Variants in FUT9 observed in about 807,000 individuals in gnomAD.
FUT9 encodes fucosyltransferase 9, also known as 4-galactosyl-N-acetylglucosaminide 3-alpha-L-fucosyltransferase 9.
FUT9 carries 15 observed loss-of-function variants against 29.7 expected under a neutral mutation model. The observed-to-expected ratio is 0.51, with a 90% CI of 0.34 to 0.78. FUT9 has a LOEUF of 0.78. FUT9 is among the 30% of genes least tolerant of loss of function. The probability of loss-of-function intolerance (pLI) is 0.01; values close to 1 mark genes in which losing one functional copy is unlikely to be tolerated. For synonymous variants in FUT9, 169 were observed against 153.7 expected, an observed-to-expected ratio of 1.10 and a Z score of -0.74; for missense variants, 319 against 425.4, an observed-to-expected ratio of 0.75 and a Z score of 2.20.
intron 2 of FUT9, among the ~76,000 whole-genome samples, chr6:96,127,621 A>G (rs1772157570): frequency 6.6e-6 from 1 of 152,180 alleles, no homozygotes. Context: ...ACTGCTTTCA[A>G]TAATGGCTGA....
chr6:96,032,063 G>A lies in FUT9; in HGVS notation c.-98+15851G>A, dbSNP rs79027263. On this transcript the variant is annotated intron_variant, in intron 1 of 2. Transcript: ENST00000302103. ...CCTTTTGCAGAACTGATGTACCTAT[G>A]TTATGTTTTCAGTTTACATTGAGCT... is the stretch of plus-strand genomic sequence containing the variant. Among the ~76,000 whole-genome samples the A allele has an allele frequency of 4.5e-3, 689 of 151,614 alleles. 14 individuals are homozygous for A. In the East Asian group the frequency reaches 0.056, roughly 12 times the overall value.
chr6:96,189,751 T>G (rs991741116), intron 2 of FUT9, among the ~76,000 whole-genome samples: 3 of 152,182 alleles, frequency 2.0e-5, no homozygotes, highest in Non-Finnish European at 4.4e-5. Context: ...TTGTTTTCCA[T>G]TTGCTTGGTA....
chr6:96,194,229 C>T (rs1181915410), intron 2 of FUT9, among the ~76,000 whole-genome samples: 1 of 151,980 alleles, frequency 6.6e-6, no homozygotes. Flanking sequence ...TAGTGTACGT[C>T]AGAACTACTT....
At chr6:96,025,666 C>T (rs1770155222) in intron 1 of FUT9, among the ~76,000 whole-genome samples, 2 of 151,626 alleles carry the variant, frequency 1.3e-5, no homozygotes, top group African/African-American at 4.8e-5. Context: ...TGGTTCATGG[C>T]ATAACCCAAT....
At chr6:96,038,168 ATGAGTTTCCATT>A (rs774809793) in intron 1 of FUT9, among the ~76,000 whole-genome samples, 6 of 152,168 alleles carry the variant, frequency 3.9e-5, no homozygotes, top group Non-Finnish European at 8.8e-5. Flanking sequence ...TTAGGAAGGC[ATGAGTTTCCATT>A]TAATTTCCAA....
chr6:96,196,523 C>G (rs913716853), intron 2 of FUT9, among the ~76,000 whole-genome samples: 2 of 151,974 alleles, frequency 1.3e-5, no homozygotes, highest in African/African-American at 4.8e-5. Flanking sequence ...ATCATCCCAG[C>G]CAACATGGTG....
At chr6:96,199,617 A>G (rs962844602) in intron 2 of FUT9, among the ~76,000 whole-genome samples, 1 of 152,156 alleles carries the variant, frequency 6.6e-6, no homozygotes, top group Non-Finnish European at 1.5e-5. Flanking sequence ...TTGAGACAAA[A>G]CAGAGAGGCA....
intron 1 of FUT9, among the ~76,000 whole-genome samples, chr6:96,085,059 G>A (rs1239013500): frequency 1.3e-5 from 2 of 152,090 alleles, no homozygotes; most frequent in Non-Finnish European, 2.9e-5. Flanking sequence ...AGGCTCCACA[G>A]AACATATTCG....
chr6:96,203,086 T>C lies in FUT9; in HGVS notation c.-8-62T>C, dbSNP rs952196023. 2.4e-6 allele frequency: 3 copies of C among 1,234,512 alleles called. No homozygotes were observed. In the African/African-American group the frequency reaches 4.5e-5, roughly 19 times the overall value. The allele number at this position is 1,234,512 out of a possible 1,614,324, so 76.5% of individuals were successfully genotyped here. A position where few individuals can be genotyped will look rare whatever the true frequency, so the allele number is the denominator to read the frequency against. ...TATGATTTTAAATATATCTCCAATATATTTATGATTTTCTCTTCATTCCCA... is the reference window on the plus strand; with the variant it reads ...TATGATTTTAAATATATCTCCAATACATTTATGATTTTCTCTTCATTCCCA... On this transcript the variant is annotated intron_variant, in intron 2 of 2. Coordinates refer to ENST00000302103, the MANE Select transcript of FUT9 (RefSeq NM_006581.4).
In FUT9 at chr6:96,204,851, T is replaced by C. The variant is rs568205479; in HGVS notation, c.*616T>C. On this transcript the variant is annotated 3_prime_UTR_variant, in exon 3 of 3. Coordinates refer to ENST00000302103, the MANE Select transcript of FUT9 (RefSeq NM_006581.4). Reference sequence around the variant, plus strand: ...ATTCGGGAAGCTATTAGACTTCTCATTTATTTTCATTAAGCTGATTTGCAG... The same window carrying C: ...ATTCGGGAAGCTATTAGACTTCTCACTTATTTTCATTAAGCTGATTTGCAG... The C allele has an allele frequency of 1.8e-5, 3 of 165,980 alleles. No homozygotes were observed. Among genetic ancestry groups the C allele is most frequent in the South Asian group, 4.1e-4 (2 of 4,820 alleles). The allele number at this position is 165,980 out of a possible 1,614,324, so 10.3% of individuals were successfully genotyped here.
At chr6:96,044,158 A>T (rs543957355) in intron 1 of FUT9, among the ~76,000 whole-genome samples, 11 of 152,368 alleles carry the variant, frequency 7.2e-5, no homozygotes, top group African/African-American at 2.6e-4. Flanking sequence ...CAAAAAAATT[A>T]ATACATATGT....
intron 1 of FUT9, among the ~76,000 whole-genome samples, chr6:96,021,266 TTTG>T (rs1554187068): frequency 3.9e-5 from 6 of 152,060 alleles, no homozygotes; most frequent in East Asian, 3.9e-4. Context: ...GACAGAGTTT[TTTG>T]TTGTTGTTGT....
intron 1 of FUT9, among the ~76,000 whole-genome samples, chr6:96,023,339 T>C (rs749306528): frequency 6.6e-6 from 1 of 151,944 alleles, no homozygotes; most frequent in Non-Finnish European, 1.5e-5. Flanking sequence ...CCGTGGTTGA[T>C]AGAAGTGTGA....
rs144318935 is a variant in FUT9, at chr6:96,209,326, C to T, written c.*5091C>T. On this transcript the variant is annotated 3_prime_UTR_variant, in exon 3 of 3. Coordinates refer to ENST00000302103, the MANE Select transcript of FUT9 (RefSeq NM_006581.4). The stretch of plus-strand genomic sequence containing the variant: ...TAAAGTATGAAATTGATTATTTAAA[C>T]TAATATGTGGAAAGAACCTAATCCA... The T allele has an allele frequency of 1.4e-4, 24 of 166,810 alleles. No homozygotes were observed. The highest frequency in any genetic ancestry group is 5.8e-4 in the African/African-American group (24 of 41,504). The allele number at this position is 166,810 out of a possible 1,614,324, so 10.3% of individuals were successfully genotyped here. A position where few individuals can be genotyped will look rare whatever the true frequency, so the allele number is the denominator to read the frequency against.
chr6:96,080,892 T>C (rs1187306371), intron 1 of FUT9, among the ~76,000 whole-genome samples: 10 of 152,008 alleles, frequency 6.6e-5, no homozygotes, highest in African/African-American at 2.4e-4. Flanking sequence ...TTGGTAAACA[T>C]ATTTCTTATT....
At chr6:96,107,106 G>A (rs908379625) in intron 1 of FUT9, among the ~76,000 whole-genome samples, 9 of 152,124 alleles carry the variant, frequency 5.9e-5, no homozygotes, top group Admixed American at 5.9e-4. Context: ...GCATAGCTTT[G>A]CTAACCTCTG....
intron 2 of FUT9, among the ~76,000 whole-genome samples, chr6:96,154,663 T>C (rs1056681871): frequency 1.3e-5 from 2 of 152,222 alleles, no homozygotes; most frequent in Non-Finnish European, 2.9e-5. Flanking sequence ...TAACTTTTTT[T>C]GTGCCTGCAA....
intron 2 of FUT9, among the ~76,000 whole-genome samples, chr6:96,187,034 T>C (rs575090889): frequency 1.3e-5 from 2 of 152,002 alleles, no homozygotes; most frequent in East Asian, 3.9e-4. Context: ...CATCACAAAC[T>C]GGAAGAGCAA....
rs958110022 is a variant in FUT9, at chr6:96,117,046, A to C, written c.-9+2919A>C. On this transcript the variant is annotated intron_variant, in intron 2 of 2. Transcript: ENST00000302103. ...AACCATCTTACAAATGTAATATATAAACTTACTGAAGGTGATGCAGTCAAA... is the reference window on the plus strand; with the variant it reads ...AACCATCTTACAAATGTAATATATACACTTACTGAAGGTGATGCAGTCAAA... 3.9e-5 allele frequency among the ~76,000 whole-genome samples: 6 copies of C among 152,312 alleles called. No individual in the cohort carries two copies. The South Asian group carries it at 1.2e-3, about 32-fold the overall frequency.
Sources: gnomAD v4.1 joint callset for allele counts (sites outside exome capture counted in the v4.1 genomes callset) on GRCh38, gnomAD v4.1.1 for gene constraint, MANE v1.5 for transcripts, NCBI Gene and HGNC (gene_info 2026-07-23, HGNC 2026-07-21) for gene names.